GFRA1: variants seen among roughly 807,000 people sequenced by gnomAD.
GFRA1 encodes GDNF family receptor alpha-1.
Under a neutral mutation model 51.6 loss-of-function variants are expected in GFRA1, and 16 were observed. That is an observed-to-expected ratio of 0.31 (90% CI 0.21 to 0.47). GFRA1 has a LOEUF of 0.47. Ranked by LOEUF, GFRA1 falls within the 20% of genes least tolerant of loss-of-function variation. The pLI is 1.00. For missense variants in GFRA1, 530 were observed against 594.3 expected, an observed-to-expected ratio of 0.89 and a Z score of 1.13; for synonymous variants, 270 against 241.3, an observed-to-expected ratio of 1.12 and a Z score of -1.10.
At chr10:116,142,204 T>C (rs1958601667) in intron 5 of GFRA1, among the ~76,000 whole-genome samples, 1 of 152,210 alleles carries the variant, frequency 6.6e-6, no homozygotes, top group Non-Finnish European at 1.5e-5. Context: ...GAGGGAAAAG[T>C]GGTTGTGTTT....
chr10:116,268,287 T>C (rs2577359), intron 4 of GFRA1, among the ~76,000 whole-genome samples: 1 of 152,238 alleles, frequency 6.6e-6, no homozygotes, highest in African/African-American at 2.4e-5. Flanking sequence ...CCTCAATTTA[T>C]TCATCTATAA....
In GFRA1 at chr10:116,058,281, T is replaced by A. The variant is rs2133725948; in HGVS notation, c.*6117A>T. ...TGCTTGCAGGTGTCAGGGGTCAATG[T>A]GCACATTCGAAGTTTTGCTCCTTTG... On this transcript the variant is annotated 3_prime_UTR_variant, in exon 11 of 11. Coordinates refer to ENST00000355422, the MANE Select transcript of GFRA1 (RefSeq NM_005264.8). The A allele has an allele frequency of 1.3e-5, 2 of 152,412 alleles. No homozygotes were observed. Among genetic ancestry groups the A allele is most frequent in the East Asian group, 3.9e-4 (2 of 5,176 alleles). The allele number at this position is 152,412 out of a possible 1,614,324, so 9.4% of individuals were successfully genotyped here.
chr10:116,146,862 A>G (rs1202894775), intron 5 of GFRA1, among the ~76,000 whole-genome samples: 1 of 152,156 alleles, frequency 6.6e-6, no homozygotes, highest in Non-Finnish European at 1.5e-5. Flanking sequence ...AAATTTTACA[A>G]ATTTTTACAA....
At chr10:116,251,314 G>C (rs781035818) in intron 4 of GFRA1, among the ~76,000 whole-genome samples, 1 of 152,162 alleles carries the variant, frequency 6.6e-6, no homozygotes, top group Non-Finnish European at 1.5e-5. Flanking sequence ...ACAAAGCTCC[G>C]AAGAGCACAT....
rs143255608 is a variant in GFRA1 at position 116,254,909 on chromosome 10, G to C, written c.418+14594C>G. The stretch of plus-strand genomic sequence containing the variant: ...TTCCAGGCAATGCCCTTCCACAAAA[G>C]GATTCTAGACAGATCTCAAACCCAG... On this transcript the variant is annotated intron_variant, in intron 4 of 10. Transcript: ENST00000355422. 5.1e-3 allele frequency among the ~76,000 whole-genome samples: 781 copies of C among 152,244 alleles called. 6 individuals are homozygous for C. Among genetic ancestry groups the C allele is most frequent in the African/African-American group, 0.018 (743 of 41,544 alleles).
Position 116,196,760 on chromosome 10 carries a change from T to TTA in GFRA1, c.433+14869_433+14870dup, listed in dbSNP as rs71010068. Among the ~76,000 whole-genome samples, 12 of 80,406 alleles carry TTA rather than the reference T, an allele frequency of 1.5e-4. 1 individual carries two copies. The highest frequency in any genetic ancestry group is 5.5e-4 in the African/African-American group (12 of 21,984). The allele number at this position is 80,406 out of a possible 152,430, so 52.7% of individuals were successfully genotyped here. ...TACTATATATAATATATATTATATA[T>TTA]TATATATATAATACTGTATATAATA... On this transcript the variant is annotated intron_variant, in intron 5 of 10. Transcript: ENST00000355422.
At chr10:116,105,649 AGGCAGT>A (rs1191992557) in intron 6 of GFRA1, among the ~76,000 whole-genome samples, 1 of 152,318 alleles carries the variant, frequency 6.6e-6, no homozygotes, top group African/African-American at 2.4e-5. Flanking sequence ...GGTAAGATAG[AGGCAGT>A]GGTTTAGCTA....
chr10:116,202,736 A>T (rs1016837277), intron 5 of GFRA1, among the ~76,000 whole-genome samples: 1 of 152,082 alleles, frequency 6.6e-6, no homozygotes, highest in Admixed American at 6.5e-5. Context: ...CTATCATGAG[A>T]ACAGCAATGG....
chr10:116,151,743 A>T (rs1012487772), intron 5 of GFRA1, among the ~76,000 whole-genome samples: 2 of 152,186 alleles, frequency 1.3e-5, no homozygotes, highest in African/African-American at 4.8e-5. Flanking sequence ...GGCCTTAAGG[A>T]TAGCCAATGG....
At chr10:116,260,458 C>T (rs1161290777) in intron 4 of GFRA1, among the ~76,000 whole-genome samples, 1 of 152,144 alleles carries the variant, frequency 6.6e-6, no homozygotes, top group Non-Finnish European at 1.5e-5. Flanking sequence ...ACAATTCTGC[C>T]ACCATGGCTG....
chr10:116,084,925 T>C (rs1400324172), intron 9 of GFRA1, among the ~76,000 whole-genome samples: 1 of 147,916 alleles, frequency 6.8e-6, no homozygotes, highest in East Asian at 2.4e-4. Flanking sequence ...CATATGACCA[T>C]TTCATATAAG....
rs1241141223 is a variant in GFRA1, at chr10:116,061,111, G to A, written c.*3287C>T. 1 of 152,096 alleles carries A rather than the reference G, an allele frequency of 6.6e-6. No homozygotes were observed. Among genetic ancestry groups the A allele is most frequent in the Non-Finnish European group, 1.5e-5 (1 of 68,044 alleles). The allele number at this position is 152,096 out of a possible 1,614,324, so 9.4% of individuals were successfully genotyped here. ...CAGCTAGAAGCGGCCCATCCTCAGA[G>A]TGTATGCAAGACAGGAAGTGTCTGA... On this transcript the variant is annotated 3_prime_UTR_variant, in exon 11 of 11. Coordinates refer to ENST00000355422, the MANE Select transcript of GFRA1 (RefSeq NM_005264.8).
chr10:116,261,273 T>A (rs1348461272), intron 4 of GFRA1, among the ~76,000 whole-genome samples: 1 of 152,176 alleles, frequency 6.6e-6, no homozygotes, highest in Non-Finnish European at 1.5e-5. Flanking sequence ...CCTAGACAAT[T>A]TATGTTGCAT....
chr10:116,088,329 AG>A (rs1565565113), intron 9 of GFRA1, among the ~76,000 whole-genome samples: 11 of 152,138 alleles, frequency 7.2e-5, no homozygotes. Flanking sequence ...TCCAGTGATA[AG>A]CATGAGGCGA....
In GFRA1 at chr10:116,058,039, T is replaced by TGTGTGTGTGTGA. The variant is rs1954631828; in HGVS notation, c.*6358_*6359insTCACACACACAC. The TGTGTGTGTGTGA allele has an allele frequency of 8.6e-6, 1 of 116,118 alleles. No homozygotes were observed. The highest frequency in any genetic ancestry group is 3.3e-5 in the African/African-American group (1 of 29,938). 7.2% of individuals were successfully genotyped at this position (116,118 alleles called of 1,614,324 possible). A position where few individuals can be genotyped will look rare whatever the true frequency, so the allele number is the denominator to read the frequency against. On this transcript the variant is annotated 3_prime_UTR_variant, in exon 11 of 11. Transcript: ENST00000355422. ...GTGTGTGTGTGTGTGTGTGTGTGTGTGTGACAGAGAGAACCACGCTTTATT... is the reference window on the plus strand; with the variant it reads ...GTGTGTGTGTGTGTGTGTGTGTGTGTGTGTGTGTGTGAGTGACAGAGAGAACCACGCTTTATT...
intron 5 of GFRA1, among the ~76,000 whole-genome samples, chr10:116,162,158 C>T (rs190989947): frequency 3.3e-5 from 5 of 149,896 alleles, no homozygotes; most frequent in East Asian, 1.9e-4. Flanking sequence ...AGAATCTAAA[C>T]GGCACCAAGA....
intron 9 of GFRA1, among the ~76,000 whole-genome samples, chr10:116,087,405 C>G (rs750532734): frequency 5.9e-5 from 9 of 152,164 alleles, no homozygotes; most frequent in Non-Finnish European, 1.3e-4. Context: ...CTATTAACTT[C>G]CAAAAATGTT....
chr10:116,196,345 C>T (rs868830267), intron 5 of GFRA1, among the ~76,000 whole-genome samples: 53 of 150,440 alleles, frequency 3.5e-4, no homozygotes, highest in Middle Eastern at 3.4e-3. Flanking sequence ...AATAATTTGC[C>T]GGACGTGGTG....
At chr10:116,111,068 T>C (rs1957191499) in intron 6 of GFRA1, among the ~76,000 whole-genome samples, 1 of 152,152 alleles carries the variant, frequency 6.6e-6, no homozygotes, top group African/African-American at 2.4e-5. Flanking sequence ...CAACCAAGGG[T>C]GCTTCTACAT....
Sources: gnomAD v4.1 joint callset for allele counts (sites outside exome capture counted in the v4.1 genomes callset) on GRCh38, gnomAD v4.1.1 for gene constraint, MANE v1.5 for transcripts, NCBI Gene and HGNC (gene_info 2026-07-23, HGNC 2026-07-21) for gene names.